Variants in FRAS1 observed in about 807,000 individuals in gnomAD.
FRAS1 encodes the protein extracellular matrix organizing protein FRAS1.
FRAS1 carries 290 observed loss-of-function variants against 435.2 expected under a neutral mutation model. The ratio of observed to expected loss-of-function variants is 0.67; its 90% CI spans 0.61 to 0.73. FRAS1 has a LOEUF of 0.73. Among genes scored for constraint, FRAS1 ranks in the 30% least tolerant of loss-of-function variants. FRAS1 has a pLI of 0.00. For synonymous variants in FRAS1, 1,800 were observed against 1,851.0 expected, an observed-to-expected ratio of 0.97 and a Z score of 0.71; for missense variants, 4,860 against 5,001.5, an observed-to-expected ratio of 0.97 and a Z score of 0.85.
chr4:78,392,933 C>G (rs2110337171), intron 29 of FRAS1, among the ~76,000 whole-genome samples: 1 of 151,720 alleles, frequency 6.6e-6, no homozygotes, highest in East Asian at 1.9e-4. Context: ...TGAATCTTCC[C>G]TGGATCCTCT....
At chr4:78,468,485 A>ACATCACCATCATCATCAT (rs1553963408) in intron 50 of FRAS1, among the ~76,000 whole-genome samples, 1 of 150,132 alleles carries the variant, frequency 6.7e-6, no homozygotes, top group African/African-American at 2.5e-5. Flanking sequence ...GAAGCTGTAA[A>ACATCACCATCATCATCAT]CATCATCATC....
intron 2 of FRAS1, among the ~76,000 whole-genome samples, chr4:78,236,125 G>C (rs1461608850): frequency 2.0e-5 from 3 of 152,186 alleles, no homozygotes; most frequent in Non-Finnish European, 2.9e-5. Flanking sequence ...TCAGAGAAGA[G>C]TAGAAATCCA....
intron 20 of FRAS1, among the ~76,000 whole-genome samples, chr4:78,362,998 C>T (rs1423382796): frequency 6.6e-6 from 1 of 152,146 alleles, no homozygotes. Flanking sequence ...TAAGTACTTA[C>T]TTTGGACTTT....
In FRAS1 at chr4:78,374,151, G is replaced by A. The variant is rs374908867; in HGVS notation, c.3051G>A (p.Glu1017=). 16 of 1,606,348 alleles carry A rather than the reference G, an allele frequency of 1.0e-5. No homozygotes were observed. In the African/African-American group the frequency reaches 1.3e-4, roughly 13 times the overall value. The change falls in exon 25 of 74, where the codon GAG becomes GAA. Residue 1017 remains glutamate (E), a synonymous_variant. Transcript: ENST00000512123. The stretch of plus-strand genomic sequence containing the variant: ...GTCTCCAGTGCCAAGGTCCCCATGA[G>A]TGTACCCGCTGCAAAGGGCCATTTC... ...SYCLQCQGPH[E]CTRCKGPFLL...
intron 14 of FRAS1, among the ~76,000 whole-genome samples, chr4:78,289,177 A>G (rs927895481): frequency 6.6e-6 from 1 of 152,234 alleles, no homozygotes; most frequent in Non-Finnish European, 1.5e-5. Context: ...ACAAGCAGGT[A>G]AACCAGAGGG....
At chr4:78,163,407 G>A (rs894430146) in intron 2 of FRAS1, among the ~76,000 whole-genome samples, 1 of 152,072 alleles carries the variant, frequency 6.6e-6, no homozygotes, top group Non-Finnish European at 1.5e-5. Context: ...AAATGTTGGG[G>A]TCAAAGATTT....
chr4:78,163,223 A>G, intron 2 of FRAS1, among the ~76,000 whole-genome samples: 1 of 152,170 alleles, frequency 6.6e-6, no homozygotes, highest in East Asian at 1.9e-4. Flanking sequence ...ACATTTTCAC[A>G]TTCCATTTTT....
At chr4:78,309,520 T>A (rs1041895838) in intron 15 of FRAS1, among the ~76,000 whole-genome samples, 5 of 152,222 alleles carry the variant, frequency 3.3e-5, no homozygotes, top group African/African-American at 1.2e-4. Context: ...ACAGAGAGGG[T>A]AAGAAACTTG....
chr4:78,325,255 GT>G (rs1257375262), intron 18 of FRAS1, among the ~76,000 whole-genome samples: 1 of 152,144 alleles, frequency 6.6e-6, no homozygotes, highest in Non-Finnish European at 1.5e-5. Context: ...TTTAGTATCA[GT>G]TTTTAAAAAA....
chr4:78,150,896 C>A (rs1334790051), intron 2 of FRAS1, among the ~76,000 whole-genome samples: 1 of 152,192 alleles, frequency 6.6e-6, no homozygotes, highest in Non-Finnish European at 1.5e-5. Flanking sequence ...CATTGTTGAT[C>A]TTGGGGACAC....
intron 14 of FRAS1, among the ~76,000 whole-genome samples, chr4:78,298,491 C>T (rs1251263979): frequency 6.6e-6 from 1 of 151,962 alleles, no homozygotes; most frequent in African/African-American, 2.4e-5. Context: ...ATTCTTTCTG[C>T]TGTTGTGTCT....
intron 2 of FRAS1, among the ~76,000 whole-genome samples, chr4:78,118,660 C>G (rs111511432): frequency 2.6e-5 from 4 of 152,098 alleles, no homozygotes; most frequent in African/African-American, 9.7e-5. Context: ...TTGCTAAGAC[C>G]GTTGGAAAAG....
rs1364084125 is a variant in FRAS1, at chr4:78,499,808, T to C, written c.9203T>C (p.Ile3068Thr). 1 of 1,613,768 alleles carries C rather than the reference T, an allele frequency of 6.2e-7. No individual in the cohort carries two copies. The highest frequency in any genetic ancestry group is 8.5e-7 in the Non-Finnish European group (1 of 1,179,830). ...ATTGCGATTCTGAACATCAAGGTGA[T>C]CCGCAGAGGGGATCAGAACAGGACC... ...DAIAILNIKV[I>T]RRGDQNRTSK... Residue 3068 changes from isoleucine to threonine, a missense_variant, in exon 61 of 74, where the codon ATC (isoleucine) becomes ACC (threonine). Physicochemically the swap from Ile to Thr is moderately conservative, Grantham distance 89. Transcript: ENST00000512123.
intron 2 of FRAS1, among the ~76,000 whole-genome samples, chr4:78,133,535 G>A (rs1446816577): frequency 6.6e-6 from 1 of 152,006 alleles, no homozygotes; most frequent in African/African-American, 2.4e-5. Flanking sequence ...TAGATTGTGT[G>A]TAATATAAAG....
intron 2 of FRAS1, among the ~76,000 whole-genome samples, chr4:78,200,633 A>G (rs922664502): frequency 9.9e-5 from 15 of 151,536 alleles, no homozygotes; most frequent in South Asian, 2.1e-4. Flanking sequence ...AAAATATCCA[A>G]GTTTGTTCTG....
At chr4:78,398,654 T>C (rs960006555) in intron 29 of FRAS1, among the ~76,000 whole-genome samples, 6 of 152,174 alleles carry the variant, frequency 3.9e-5, no homozygotes, top group African/African-American at 1.4e-4. Flanking sequence ...AAAATCAAAG[T>C]TCAGTAGGCT....
chr4:78,235,359 T>C (rs1215629637), intron 2 of FRAS1, among the ~76,000 whole-genome samples: 3 of 152,194 alleles, frequency 2.0e-5, no homozygotes, highest in Non-Finnish European at 4.4e-5. Flanking sequence ...CATCCACCAG[T>C]TTCCTAGCTC....
chr4:78,058,943 A>T (rs1739607850), intron 1 of FRAS1, among the ~76,000 whole-genome samples: 1 of 152,200 alleles, frequency 6.6e-6, no homozygotes, highest in Non-Finnish European at 1.5e-5. Context: ...GGAGCCAGGG[A>T]AGTCGCCCCG....
chr4:78,229,923 CCTTT>C (rs1724450497), intron 2 of FRAS1, among the ~76,000 whole-genome samples: 1 of 152,098 alleles, frequency 6.6e-6, no homozygotes, highest in South Asian at 2.1e-4. Flanking sequence ...GCAGCTTGTC[CCTTT>C]CTTTCCGTCT....
Sources: gnomAD v4.1 joint callset for allele counts (sites outside exome capture counted in the v4.1 genomes callset) on GRCh38, gnomAD v4.1.1 for gene constraint, MANE v1.5 for transcripts, NCBI Gene and HGNC (gene_info 2026-07-23, HGNC 2026-07-21) for gene names.